SUPT3H: variants seen among roughly 807,000 people sequenced by gnomAD.
The protein encoded by SUPT3H is SPT3 homolog, SAGA and STAGA complex component.
SUPT3H carries 44 observed loss-of-function variants against 44.3 expected under a neutral mutation model. That is an observed-to-expected ratio of 0.99 (90% confidence interval 0.78 to 1.28). The LOEUF (loss-of-function observed/expected upper bound fraction) is 1.28, where lower values mean the gene tolerates loss of function less well. Ranked by LOEUF, SUPT3H falls within the 50% of genes most tolerant of loss-of-function variation. SUPT3H has a pLI of 0.00. For synonymous variants in SUPT3H, 124 were observed against 125.6 expected, an observed-to-expected ratio of 0.99 and a Z score of 0.09; for missense variants, 380 against 387.1, an observed-to-expected ratio of 0.98 and a Z score of 0.15.
intron 9 of SUPT3H, among the ~76,000 whole-genome samples, chr6:44,939,862 G>A (rs960775472): frequency 3.3e-5 from 5 of 150,906 alleles, no homozygotes; most frequent in Non-Finnish European, 7.4e-5. Context: ...ATAATAGTCT[G>A]TGACAATCTT....
At chr6:44,850,041 T>C (rs918177551) in intron 10 of SUPT3H, among the ~76,000 whole-genome samples, 2 of 151,912 alleles carry the variant, frequency 1.3e-5, no homozygotes, top group African/African-American at 4.8e-5. Flanking sequence ...GTCTGAGGAG[T>C]TGCAGAGTGG....
At chr6:44,927,680 AC>A (rs1421391785) in intron 10 of SUPT3H, among the ~76,000 whole-genome samples, 3 of 152,258 alleles carry the variant, frequency 2.0e-5, no homozygotes, top group African/African-American at 2.4e-5. Context: ...GATTAAAAAA[AC>A]AATTATATTC....
At chr6:45,061,712 A>G (rs1397535788) in intron 3 of SUPT3H, among the ~76,000 whole-genome samples, 1 of 103,592 alleles carries the variant, frequency 9.7e-6, no homozygotes, top group African/African-American at 3.9e-5. Flanking sequence ...CAATATGTGT[A>G]TAGTTCTAAA....
chr6:45,147,465 T>G (rs542979253), intron 2 of SUPT3H, among the ~76,000 whole-genome samples: 2 of 152,146 alleles, frequency 1.3e-5, no homozygotes, highest in East Asian at 3.9e-4. Context: ...ATACAAAATC[T>G]CTGAACACAA....
At chr6:45,326,380 T>C (rs113795098) in intron 2 of SUPT3H, among the ~76,000 whole-genome samples, 70 of 152,032 alleles carry the variant, frequency 4.6e-4, no homozygotes, top group African/African-American at 1.5e-3. Context: ...CCTCCTTTTG[T>C]TTACTTTGGA....
At chr6:44,978,678 C>G (rs1213587285) in intron 6 of SUPT3H, among the ~76,000 whole-genome samples, 1 of 152,120 alleles carries the variant, frequency 6.6e-6, no homozygotes, top group South Asian at 2.1e-4. Context: ...GGTCATCCTT[C>G]CTTTCTATTC....
intron 2 of SUPT3H, among the ~76,000 whole-genome samples, chr6:45,218,691 G>A (rs1337453966): frequency 1.3e-5 from 2 of 152,302 alleles, no homozygotes; most frequent in South Asian, 2.1e-4. Context: ...CTGAGATCAC[G>A]CCATTGCATT....
intron 2 of SUPT3H, among the ~76,000 whole-genome samples, chr6:45,178,772 C>T (rs1025439931): frequency 7.2e-5 from 11 of 152,120 alleles, no homozygotes; most frequent in Non-Finnish European, 1.3e-4. Context: ...CACTCAAAAG[C>T]GCTCAAGTAC....
intron 7 of SUPT3H, among the ~76,000 whole-genome samples, chr6:44,957,796 TA>T (rs967072564): frequency 1.3e-5 from 2 of 152,188 alleles, no homozygotes; most frequent in African/African-American, 4.8e-5. Flanking sequence ...AAGTATTTTT[TA>T]AATAAAAGAG....
In SUPT3H at chr6:44,919,635, T is replaced by C. The variant is rs75702906; in HGVS notation, c.912+13018A>G. ...AGAACATTTCTAATTGTCTGTTCTATGCATTCAGCCAAATTGTAAACTTGC... is the reference window on the plus strand; with the variant it reads ...AGAACATTTCTAATTGTCTGTTCTACGCATTCAGCCAAATTGTAAACTTGC... On this transcript the variant is annotated intron_variant, in intron 10 of 10. Coordinates refer to ENST00000371459, the MANE Select transcript of SUPT3H (RefSeq NM_003599.4). Among the ~76,000 whole-genome samples the C allele has an allele frequency of 2.8e-3, 430 of 152,308 alleles. 1 individual carries two copies. Among genetic ancestry groups the C allele is most frequent in the Non-Finnish European group, 5.4e-3 (364 of 68,032 alleles).
At chr6:44,973,902 C>T (rs181696506) in intron 6 of SUPT3H, among the ~76,000 whole-genome samples, 222 of 152,212 alleles carry the variant, frequency 1.5e-3, no homozygotes, top group African/African-American at 5.1e-3. Flanking sequence ...AGGTAACAGC[C>T]CCCATAATTC....
chr6:45,181,658 T>C (rs943282160), intron 2 of SUPT3H, among the ~76,000 whole-genome samples: 4 of 138,170 alleles, frequency 2.9e-5, no homozygotes, highest in South Asian at 4.5e-4. Context: ...TAAGTGGGAA[T>C]TGAACAATGA....
intron 10 of SUPT3H, among the ~76,000 whole-genome samples, chr6:44,855,101 T>C (rs528712817): frequency 2.6e-5 from 4 of 152,344 alleles, no homozygotes; most frequent in Admixed American, 2.6e-4. Flanking sequence ...GAAACTCATG[T>C]TTTCTGATCT....
intron 2 of SUPT3H, among the ~76,000 whole-genome samples, chr6:45,292,689 T>C: frequency 7.0e-6 from 1 of 143,690 alleles, no homozygotes; most frequent in Admixed American, 7.0e-5. Flanking sequence ...TAGCTATTCT[T>C]ATACCAGACA....
chr6:44,916,136 C>T (rs12526711), intron 10 of SUPT3H, among the ~76,000 whole-genome samples: 51,879 of 151,954 alleles, frequency 0.34, 9,611 homozygotes, highest in Admixed American at 0.41. Flanking sequence ...ACAATGACTC[C>T]ACACTAGTAG....
intron 2 of SUPT3H, among the ~76,000 whole-genome samples, chr6:45,211,465 T>G (rs1390240979): frequency 6.6e-6 from 1 of 152,198 alleles, no homozygotes; most frequent in Non-Finnish European, 1.5e-5. Flanking sequence ...TGATTATTTT[T>G]ATTATAATTA....
chr6:44,934,866 G>C (rs1276465475), intron 9 of SUPT3H, among the ~76,000 whole-genome samples: 1 of 152,188 alleles, frequency 6.6e-6, no homozygotes, highest in African/African-American at 2.4e-5. Flanking sequence ...AATGGACTAA[G>C]ATAGAAGCTA....
chr6:45,158,009 C>A (rs182976881), intron 2 of SUPT3H, among the ~76,000 whole-genome samples: 24 of 147,988 alleles, frequency 1.6e-4, no homozygotes, highest in Admixed American at 1.3e-3. Flanking sequence ...CTCAACATGA[C>A]CCATCCATGC....
chr6:45,020,396 A>G (rs1159028000), intron 4 of SUPT3H, 150 bp downstream of exon 4: 6 of 581,598 alleles, frequency 1.0e-5, no homozygotes, highest in African/African-American at 3.8e-5. Flanking sequence ...TTGTAAACAC[A>G]TTTTGTCGTC....
Sources: allele counts gnomAD v4.1 joint callset (sites outside exome capture counted in the v4.1 genomes callset), GRCh38; gene constraint gnomAD v4.1.1; transcripts MANE v1.5; gene names NCBI Gene and HGNC (gene_info 2026-07-23, HGNC 2026-07-21).